Variants in VTI1A observed in about 807,000 individuals in gnomAD.
VTI1A encodes vesicle transport through interaction with t-SNAREs homolog 1A.
In VTI1A, 22 loss-of-function variants were observed where a neutral mutation model predicts 34.9. The observed-to-expected ratio is 0.63, with a 90% CI of 0.45 to 0.90. The LOEUF (loss-of-function observed/expected upper bound fraction) is 0.90, where lower values mean the gene tolerates loss of function less well. Among genes scored for constraint, VTI1A ranks in the 40% least tolerant of loss-of-function variants. VTI1A has a pLI of 0.00. For missense variants in VTI1A, 268 were observed against 275.6 expected, an observed-to-expected ratio of 0.97 and a Z score of 0.20; for synonymous variants, 87 against 97.3, an observed-to-expected ratio of 0.89 and a Z score of 0.62.
chr10:112,711,541 G>T (rs1183478463), intron 7 of VTI1A, among the ~76,000 whole-genome samples: 1 of 152,174 alleles, frequency 6.6e-6, no homozygotes, highest in Non-Finnish European at 1.5e-5. Flanking sequence ...CCCGGGCCTG[G>T]TGAGCTTCAG....
At chr10:112,669,824 C>G (rs1051405502) in intron 7 of VTI1A, among the ~76,000 whole-genome samples, 1 of 152,120 alleles carries the variant, frequency 6.6e-6, no homozygotes, top group East Asian at 1.9e-4. Flanking sequence ...CTTGTCTGAT[C>G]ACATATCCAT....
At chr10:112,620,608 A>C (rs1278692877) in intron 5 of VTI1A, among the ~76,000 whole-genome samples, 1 of 152,052 alleles carries the variant, frequency 6.6e-6, no homozygotes, top group African/African-American at 2.4e-5. Context: ...CTGACCAACA[A>C]GGTGAAACCC....
chr10:112,620,068 C>T (rs746409989), intron 5 of VTI1A, among the ~76,000 whole-genome samples: 1 of 152,182 alleles, frequency 6.6e-6, no homozygotes, highest in Non-Finnish European at 1.5e-5. Flanking sequence ...ATCCTGGTGA[C>T]AGGTAAAAGC....
At chr10:112,636,660 C>T (rs972898300) in intron 5 of VTI1A, among the ~76,000 whole-genome samples, 2 of 143,528 alleles carry the variant, frequency 1.4e-5, no homozygotes, top group South Asian at 4.6e-4. Context: ...ACCTGGGAGG[C>T]GGAGGTTGCA....
intron 7 of VTI1A, among the ~76,000 whole-genome samples, chr10:112,744,410 A>G (rs1176918706): frequency 6.6e-6 from 1 of 150,674 alleles, no homozygotes; most frequent in African/African-American, 2.5e-5. Context: ...GCCGGAAGTG[A>G]TATGGAACAT....
At chr10:112,480,816 AAGGTTCTGATGCCCAGCTCCC>A (rs1202332166) in intron 3 of VTI1A, among the ~76,000 whole-genome samples, 5 of 152,154 alleles carry the variant, frequency 3.3e-5, no homozygotes, top group African/African-American at 4.8e-5. Context: ...GGATCTTAAA[AAGGTTCTGATGCCCAGCTCCC>A]ACTCCCAGAT....
At chr10:112,750,029 G>A (rs1851046350) in intron 7 of VTI1A, among the ~76,000 whole-genome samples, 1 of 152,142 alleles carries the variant, frequency 6.6e-6, no homozygotes, top group South Asian at 2.1e-4. Flanking sequence ...ATAAAAACAG[G>A]GACAAGCTTC....
At chr10:112,781,706 TGGTGCACACTCATA>T (rs56098807) in intron 7 of VTI1A, among the ~76,000 whole-genome samples, 108,864 of 151,416 alleles carry the variant, frequency 0.72, 39,487 homozygotes, top group East Asian at 0.95. Flanking sequence ...TGGGGTGTGA[TGGTGCACACTCATA>T]GGTGCACACT....
At chr10:112,472,768 G>A (rs954041769) in intron 3 of VTI1A, among the ~76,000 whole-genome samples, 2 of 152,048 alleles carry the variant, frequency 1.3e-5, no homozygotes, top group African/African-American at 4.8e-5. Context: ...GGTAACTGTA[G>A]CATCAGCTAA....
chr10:112,823,818 C>G, the VTI1A span: 1 of 151,054 alleles, frequency 6.6e-6, no homozygotes. Flanking sequence ...TCCTTGAGCT[C>G]AGTGCTAGCC....
chr10:112,658,449 A>C (rs922521716), intron 5 of VTI1A, among the ~76,000 whole-genome samples: 31 of 152,236 alleles, frequency 2.0e-4, no homozygotes, highest in African/African-American at 7.2e-4. Context: ...TATTGTTACA[A>C]ATTTATAAAG....
chr10:112,658,245 G>A (rs146771549), intron 5 of VTI1A, among the ~76,000 whole-genome samples: 186 of 151,842 alleles, frequency 1.2e-3, no homozygotes, highest in African/African-American at 4.2e-3. Context: ...GCCCCACCAC[G>A]CCCAGCTAAT....
intron 7 of VTI1A, among the ~76,000 whole-genome samples, chr10:112,776,464 C>T (rs1851958696): frequency 3.3e-5 from 5 of 152,028 alleles, no homozygotes; most frequent in Admixed American, 3.3e-4. Flanking sequence ...GTCTGTGTCC[C>T]GGAAACAAGA....
chr10:112,764,910 A>G (rs1275060579), intron 7 of VTI1A, among the ~76,000 whole-genome samples: 4 of 152,200 alleles, frequency 2.6e-5, no homozygotes, highest in Non-Finnish European at 1.5e-5. Flanking sequence ...AGGTACTAAT[A>G]TATCCTTAGA....
chr10:112,552,588 T>A (rs1851396854), intron 5 of VTI1A, among the ~76,000 whole-genome samples: 1 of 151,014 alleles, frequency 6.6e-6, no homozygotes, highest in Non-Finnish European at 1.5e-5. Context: ...GTGACTTTGT[T>A]ACTGTAAAAA....
At chr10:112,729,700 G>A (rs1224826836) in intron 7 of VTI1A, among the ~76,000 whole-genome samples, 3 of 152,212 alleles carry the variant, frequency 2.0e-5, no homozygotes, top group Non-Finnish European at 2.9e-5. Context: ...AGCACCTCCT[G>A]TGGGCTGATC....
At chr10:112,580,216 A>G (rs1843870977) in intron 5 of VTI1A, among the ~76,000 whole-genome samples, 1 of 152,172 alleles carries the variant, frequency 6.6e-6, no homozygotes, top group Admixed American at 6.5e-5. Context: ...ATGTAACCTC[A>G]GAAAGGAGAA....
At chr10:112,490,485 C>G (rs1206539462) in intron 3 of VTI1A, among the ~76,000 whole-genome samples, 1 of 152,054 alleles carries the variant, frequency 6.6e-6, no homozygotes, top group Admixed American at 6.5e-5. Flanking sequence ...GACCCAAATC[C>G]AGCTTGTTTG....
intron 5 of VTI1A, among the ~76,000 whole-genome samples, chr10:112,564,628 T>G (rs1037783119): frequency 2.4e-4 from 36 of 152,148 alleles, no homozygotes; most frequent in African/African-American, 8.7e-4. Flanking sequence ...AGAAATGGAA[T>G]GGGTGCAAAT....
Sources: gnomAD v4.1 joint callset for allele counts (sites outside exome capture counted in the v4.1 genomes callset) on GRCh38, gnomAD v4.1.1 for gene constraint, MANE v1.5 for transcripts, NCBI Gene and HGNC (gene_info 2026-07-23, HGNC 2026-07-21) for gene names.